CHM: variants seen among roughly 807,000 people sequenced by gnomAD.
CHM encodes CHM Rab escort protein, also known as rab proteins geranylgeranyltransferase component A 1.
CHM carries 10 observed loss-of-function variants against 49.0 expected under a neutral mutation model. That is an observed-to-expected ratio of 0.20 (90% CI 0.13 to 0.35). The LOEUF (loss-of-function observed/expected upper bound fraction) is 0.35. Ranked by LOEUF, CHM falls within the 10% of genes least tolerant of loss-of-function variation. CHM has a pLI of 1.00. For synonymous variants in CHM, 184 were observed against 167.5 expected (o/e 1.10, Z -0.76); for missense variants, 455 against 478.4 (o/e 0.95, Z 0.46).
intron 8 of CHM, among the ~76,000 whole-genome samples, chrX:85,952,405 G>A (rs189435074): frequency 1.5e-4 from 17 of 111,176 alleles, no homozygotes; most frequent in African/African-American, 4.6e-4. Flanking sequence ...ACCAGGCAGA[G>A]TCATGAGGCC....
intron 5 of CHM, among the ~76,000 whole-genome samples, chrX:85,963,126 T>C (rs891701166): frequency 9.0e-6 from 1 of 111,666 alleles, no homozygotes; most frequent in Non-Finnish European, 1.9e-5. Context: ...ATACCCGTCA[T>C]CTACATACCC....
chrX:86,039,470 C>T (rs1162112480), intron 1 of CHM, among the ~76,000 whole-genome samples: 2 of 98,316 alleles, frequency 2.0e-5, no homozygotes, highest in Non-Finnish European at 4.0e-5. Flanking sequence ...CCACCATTAA[C>T]TAGTAGCCAT....
At chrX:85,995,260 TAAAAAAA>T (rs55742394) in intron 2 of CHM, among the ~76,000 whole-genome samples, 203 of 46,809 alleles carry the variant, frequency 4.3e-3, no homozygotes, top group Middle Eastern at 0.036. Context: ...CCTTATTACT[TAAAAAAA>T]AAAAAAAAAA....
At chrX:86,038,929 A>G (rs1005530789) in intron 1 of CHM, among the ~76,000 whole-genome samples, 5 of 112,398 alleles carry the variant, frequency 4.4e-5, no homozygotes, top group Non-Finnish European at 5.6e-5. Context: ...ACTATGAGCT[A>G]TTTTTTCAAT....
chrX:85,958,372 T>C (rs1930112174), intron 6 of CHM, among the ~76,000 whole-genome samples: 1 of 111,787 alleles, frequency 8.9e-6, no homozygotes, highest in Non-Finnish European at 1.9e-5. Flanking sequence ...AGTGTTTCCC[T>C]TGGCCCCTAC....
intron 12 of CHM, among the ~76,000 whole-genome samples, chrX:85,885,103 G>A (rs1019692987): frequency 1.8e-5 from 2 of 110,468 alleles, no homozygotes; most frequent in Admixed American, 9.7e-5. Context: ...AAGAATGGAC[G>A]AATTTGAGTA....
At chrX:85,966,087 C>T (rs1027139759) in intron 4 of CHM, among the ~76,000 whole-genome samples, 11 of 111,506 alleles carry the variant, frequency 9.9e-5, no homozygotes, top group African/African-American at 3.6e-4. Context: ...CGGTGGCTTA[C>T]ACCTGTAATC....
At chrX:85,995,093 T>C (rs1932377214) in intron 2 of CHM, among the ~76,000 whole-genome samples, 1 of 109,864 alleles carries the variant, frequency 9.1e-6, no homozygotes, top group Non-Finnish European at 1.9e-5. Context: ...AAAACTATAA[T>C]ATCATTTGCA....
intron 12 of CHM, among the ~76,000 whole-genome samples, chrX:85,887,270 G>A (rs1005831592): frequency 9.0e-6 from 1 of 110,774 alleles, no homozygotes; most frequent in Admixed American, 9.7e-5. Flanking sequence ...TGCTGTTCTT[G>A]TGACAGTGAA....
At chrX:86,024,193 T>C (rs959067038) in intron 2 of CHM, among the ~76,000 whole-genome samples, 1 of 111,287 alleles carries the variant, frequency 9.0e-6, no homozygotes, top group Admixed American at 9.5e-5. Context: ...AGACAAAAAG[T>C]GGGAAGATGA....
chrX:86,006,157 A>G (rs1932848315), intron 2 of CHM, among the ~76,000 whole-genome samples: 1 of 112,119 alleles, frequency 8.9e-6, no homozygotes, highest in Non-Finnish European at 1.9e-5. Flanking sequence ...GACCAACGAC[A>G]AAAACCACAT....
chrX:85,871,320 A>AAAAAAAAAAAAAAAAAAAAAAAAAG lies in CHM; in HGVS notation c.1770+1731_1770+1732insCTTTTTTTTTTTTTTTTTTTTTTTT, dbSNP rs1487188345. ...AGACTGTCTCAAAAAAAAAAAAAAAAAAGAAGAAATCTGCATGGGCTTGTG... is the reference window on the plus strand; with the variant it reads ...AGACTGTCTCAAAAAAAAAAAAAAAAAAAAAAAAAAAAAAAAAAAAAAAAGAAGAAGAAATCTGCATGGGCTTGTG... On this transcript the variant is annotated intron_variant, in intron 14 of 14. Coordinates refer to ENST00000357749, the MANE Select transcript of CHM (RefSeq NM_000390.4). Among the ~76,000 whole-genome samples the AAAAAAAAAAAAAAAAAAAAAAAAAG allele has an allele frequency of 3.2e-4, 33 of 102,977 alleles. 1 individual carries two copies. The highest frequency in any genetic ancestry group is 1.1e-3 in the African/African-American group (29 of 26,391). The allele number at this position is 102,977 out of a possible 115,157, so 89.4% of individuals were successfully genotyped here.
chrX:85,990,274 T>G (rs964614774), intron 2 of CHM, among the ~76,000 whole-genome samples: 1 of 111,705 alleles, frequency 9.0e-6, no homozygotes, highest in African/African-American at 3.3e-5. Flanking sequence ...CACTTATAAG[T>G]GGGAGCTAAA....
chrX:85,967,471 C>T (rs1428033942), intron 4 of CHM, among the ~76,000 whole-genome samples: 1 of 111,571 alleles, frequency 9.0e-6, no homozygotes, highest in African/African-American at 3.3e-5. Context: ...AGGTGCTCCT[C>T]GACTTATGAT....
At position 85,864,558 on chromosome X, in the gene CHM, G is replaced by T; in HGVS notation, c.*72C>A. 1 of 903,017 alleles carries T rather than the reference G, an allele frequency of 1.1e-6. No homozygotes were observed. Among genetic ancestry groups the T allele is most frequent in the Non-Finnish European group, 1.6e-6 (1 of 625,271 alleles). 74.4% of individuals were successfully genotyped at this position (903,017 alleles called of 1,213,427 possible). A position where few individuals can be genotyped will look rare whatever the true frequency, so the allele number is the denominator to read the frequency against. ...GCTGCTTTCTAACATTTCTCAAACA[G>T]TCCTTCTATCAAGTAGACTCTGAGA... On this transcript the variant is annotated 3_prime_UTR_variant, in exon 15 of 15. Coordinates refer to ENST00000357749, the MANE Select transcript of CHM (RefSeq NM_000390.4).
intron 13 of CHM, among the ~76,000 whole-genome samples, chrX:85,875,449 T>A (rs938282148): frequency 9.0e-6 from 1 of 111,257 alleles, no homozygotes; most frequent in Non-Finnish European, 1.9e-5. Context: ...CTTGGGCAAA[T>A]TAAACTGGAG....
At chrX:85,960,169 T>C (rs1192137349) in intron 5 of CHM, among the ~76,000 whole-genome samples, 1 of 111,523 alleles carries the variant, frequency 9.0e-6, no homozygotes, top group Non-Finnish European at 1.9e-5. Context: ...CAAAAATCAC[T>C]TGTTTAAAAA....
intron 2 of CHM, among the ~76,000 whole-genome samples, chrX:86,000,620 G>T (rs1282222235): frequency 1.8e-5 from 2 of 110,154 alleles, no homozygotes; most frequent in Non-Finnish European, 3.8e-5. Flanking sequence ...ATGGTTAAAT[G>T]GATAAAGAAA....
intron 2 of CHM, among the ~76,000 whole-genome samples, chrX:85,982,616 T>C (rs755903367): frequency 3.6e-5 from 4 of 111,058 alleles, no homozygotes; most frequent in Non-Finnish European, 7.5e-5. Flanking sequence ...TCACTGCATA[T>C]TGGGGCTCCG....
Sources: gnomAD v4.1 joint callset for allele counts (sites outside exome capture counted in the v4.1 genomes callset) on GRCh38, gnomAD v4.1.1 for gene constraint, MANE v1.5 for transcripts, NCBI Gene and HGNC (gene_info 2026-07-23, HGNC 2026-07-21) for gene names.